Variants in TAFA5 observed in about 807,000 individuals in gnomAD.
TAFA5 encodes the protein chemokine-like protein TAFA-5.
Under a neutral mutation model 15.3 loss-of-function variants are expected in TAFA5, and 6 were observed. The observed-to-expected ratio is 0.39, with a 90% CI of 0.21 to 0.77. TAFA5 has a LOEUF of 0.77. Ranked by LOEUF, TAFA5 falls within the 30% of genes least tolerant of loss-of-function variation. The pLI is 0.41. For synonymous variants in TAFA5, 103 were observed against 80.7 expected (o/e 1.28, Z -1.48); for missense variants, 161 against 193.1 (o/e 0.83, Z 0.98).
chr22:48,630,075 G>A (rs947392981), intron 1 of TAFA5, among the ~76,000 whole-genome samples: 72 of 152,226 alleles, frequency 4.7e-4, no homozygotes, highest in African/African-American at 1.6e-3. Context: ...GACTGGGGTC[G>A]GGGCGGGGGA....
At chr22:48,746,610 G>A (rs1336657791) in intron 3 of TAFA5, among the ~76,000 whole-genome samples, 3 of 152,182 alleles carry the variant, frequency 2.0e-5, no homozygotes, top group Non-Finnish European at 4.4e-5. Flanking sequence ...TGAGGCACAG[G>A]GGGACGCTCA....
intron 1 of TAFA5, among the ~76,000 whole-genome samples, chr22:48,585,018 CACCACACACACTAGAT>C (rs1463577784): frequency 1.5e-5 from 2 of 136,194 alleles, no homozygotes; most frequent in Non-Finnish European, 3.1e-5. Flanking sequence ...ATGCAGAATA[CACCACACACACTAGAT>C]ACCACACGCA....
rs1169700440 is a variant in TAFA5, at chr22:48,584,992, TACAC to T, written c.113-61596_113-61593del. Among the ~76,000 whole-genome samples, 15 of 122,162 alleles carry T rather than the reference TACAC, an allele frequency of 1.2e-4. No individual in the cohort carries two copies. The East Asian group carries it at 2.8e-3, about 22-fold the overall frequency. 80.1% of individuals were successfully genotyped at this position (122,162 alleles called of 152,430 possible). A position where few individuals can be genotyped will look rare whatever the true frequency, so the allele number is the denominator to read the frequency against. On this transcript the variant is annotated intron_variant, in intron 1 of 3. Coordinates refer to ENST00000402357, the MANE Select transcript of TAFA5 (RefSeq NM_001082967.3). ...AAAATACATCACACACATTCACATGTACACACACACACCACATGCAGAATACACC... is the reference window on the plus strand; with the variant it reads ...AAAATACATCACACACATTCACATGTACACACACCACATGCAGAATACACC...
chr22:48,576,604 C>T, intron 1 of TAFA5: 2 of 1,400,600 alleles, frequency 1.4e-6, no homozygotes, highest in East Asian at 3.1e-5. Context: ...ACCGGTCCTC[C>T]GCGCTCTGCC....
chr22:48,586,932 G>A (rs1404440039), intron 1 of TAFA5, among the ~76,000 whole-genome samples: 1 of 152,230 alleles, frequency 6.6e-6, no homozygotes, highest in East Asian at 1.9e-4. Flanking sequence ...AGTGTGCGGG[G>A]CAGCCAAAAG....
chr22:48,720,137 C>G (rs116807380), intron 3 of TAFA5, among the ~76,000 whole-genome samples: 1 of 152,122 alleles, frequency 6.6e-6, no homozygotes, highest in African/African-American at 2.4e-5. Flanking sequence ...CGGGGTCTGT[C>G]GCGAAACCCA....
intron 1 of TAFA5, among the ~76,000 whole-genome samples, chr22:48,590,620 C>T (rs1924533288): frequency 6.6e-6 from 1 of 152,162 alleles, no homozygotes; most frequent in South Asian, 2.1e-4. Flanking sequence ...CTGCCATACA[C>T]AGACCCAGGA....
chr22:48,593,443 C>A (rs1924647360), intron 1 of TAFA5, among the ~76,000 whole-genome samples: 1 of 151,812 alleles, frequency 6.6e-6, no homozygotes, highest in African/African-American at 2.4e-5. Flanking sequence ...GGGCCTGGCA[C>A]CAGGTAGAGG....
chr22:48,734,550 G>A (rs113272873), intron 3 of TAFA5, among the ~76,000 whole-genome samples: 2,996 of 152,368 alleles, frequency 0.02, 90 homozygotes, highest in African/African-American at 0.068. Flanking sequence ...GTGTGTGAGC[G>A]GCTCTGGGCT....
chr22:48,545,215 C>T, intron 1 of TAFA5: 1 of 298,004 alleles, frequency 3.4e-6, no homozygotes, highest in Non-Finnish European at 6.7e-6. Flanking sequence ...TCACTGAAGC[C>T]TGCCATCCAG....
At position 48,743,170 on chromosome 22, in the gene TAFA5, G is replaced by T. The variant is rs139697612; in HGVS notation, c.391-6669G>T. ...ACAGTGTCTGCTGGGCCGTGCTCCCGCAGGAGGCAGCAGCAGAGGGTCCTC... is the reference window on the plus strand; with the variant it reads ...ACAGTGTCTGCTGGGCCGTGCTCCCTCAGGAGGCAGCAGCAGAGGGTCCTC... On this transcript the variant is annotated intron_variant, in intron 3 of 3. Coordinates refer to ENST00000402357, the MANE Select transcript of TAFA5 (RefSeq NM_001082967.3). Among the ~76,000 whole-genome samples the T allele has an allele frequency of 8.9e-3, 1,342 of 151,266 alleles. 20 individuals are homozygous for T. Among genetic ancestry groups the T allele is most frequent in the African/African-American group, 0.031 (1,286 of 41,266 alleles).
intron 1 of TAFA5, among the ~76,000 whole-genome samples, chr22:48,573,415 G>T (rs1249691850): frequency 6.6e-6 from 1 of 152,148 alleles, no homozygotes; most frequent in Non-Finnish European, 1.5e-5. Context: ...AGAACCCTAG[G>T]TGTCTCCTCC....
chr22:48,534,228 C>T lies in TAFA5; in HGVS notation c.112+44524C>T, dbSNP rs190345216. The stretch of plus-strand genomic sequence containing the variant: ...GCAGGTGAAATGAATAAGTCAGGTG[C>T]GGTGGGTCAGGCAGGTGAAATGAGT... On this transcript the variant is annotated intron_variant, in intron 1 of 3. Transcript: ENST00000402357. Among the ~76,000 whole-genome samples, 92 of 147,794 alleles carry T rather than the reference C, an allele frequency of 6.2e-4. 1 individual carries two copies. The highest frequency in any genetic ancestry group is 1.2e-3 in the Non-Finnish European group (82 of 67,020).
chr22:48,576,335 C>T, intron 1 of TAFA5: 2 of 1,201,998 alleles, frequency 1.7e-6, no homozygotes, highest in Non-Finnish European at 2.1e-6. Flanking sequence ...CGGAGTGGCG[C>T]CTCCAGTCGC....
At chr22:48,557,927 A>G (rs1020501602) in intron 1 of TAFA5, among the ~76,000 whole-genome samples, 1 of 152,234 alleles carries the variant, frequency 6.6e-6, no homozygotes, top group Non-Finnish European at 1.5e-5. Context: ...GGATGTGTCT[A>G]AGCCGGGGCA....
chr22:48,619,794 G>T (rs371877832), intron 1 of TAFA5, among the ~76,000 whole-genome samples: 1 of 152,254 alleles, frequency 6.6e-6, no homozygotes, highest in South Asian at 2.1e-4. Flanking sequence ...TGGTCACAGC[G>T]TAGAGTCTGG....
At chr22:48,643,104 C>T (rs1382927459) in intron 1 of TAFA5, among the ~76,000 whole-genome samples, 4 of 152,242 alleles carry the variant, frequency 2.6e-5, no homozygotes, top group Non-Finnish European at 5.9e-5. Flanking sequence ...CAGGCATCCA[C>T]CTGCTGGGGC....
chr22:48,718,475 T>C (rs551564582), intron 3 of TAFA5, among the ~76,000 whole-genome samples: 16 of 152,178 alleles, frequency 1.1e-4, no homozygotes, highest in African/African-American at 3.9e-4. Context: ...AGGGAGGACA[T>C]GGGCCTGGCA....
intron 1 of TAFA5, among the ~76,000 whole-genome samples, chr22:48,600,122 G>A (rs541737061): frequency 2.6e-5 from 4 of 152,292 alleles, no homozygotes; most frequent in South Asian, 2.1e-4. Flanking sequence ...GTGGCCCCCC[G>A]AGGCCCTGGG....
Sources: gnomAD v4.1 joint callset for allele counts (sites outside exome capture counted in the v4.1 genomes callset) on GRCh38, gnomAD v4.1.1 for gene constraint, MANE v1.5 for transcripts, NCBI Gene and HGNC (gene_info 2026-07-23, HGNC 2026-07-21) for gene names.